Variants in PCCB observed in about 807,000 individuals in gnomAD.
PCCB encodes propionyl-CoA carboxylase beta chain, mitochondrial.
Under a neutral mutation model 60.7 loss-of-function variants are expected in PCCB, and 43 were observed. That is an observed-to-expected ratio of 0.71 (90% CI 0.55 to 0.91). PCCB has a LOEUF of 0.91. Ranked by LOEUF, PCCB falls within the 40% of genes least tolerant of loss-of-function variation. The pLI, the probability that PCCB is intolerant of heterozygous loss-of-function variation, is 0.00. For synonymous variants in PCCB, 276 were observed against 255.9 expected (o/e 1.08, Z -0.75); for missense variants, 766 against 702.8 (o/e 1.09, Z -1.02).
In PCCB at chr3:136,256,115, G is replaced by A. The variant is rs573618683; in HGVS notation, c.303+140G>A. On this transcript the variant is annotated intron_variant, in intron 2 of 14. Transcript: ENST00000251654. ...CAGACATCAAGCCCAGATAATTTTT[G>A]TATTTTTAGTAGAGATGGGCTTTCG... 1.0e-4 allele frequency: 131 copies of A among 1,265,552 alleles called. 3 individuals are homozygous for A. In the South Asian group the frequency reaches 1.6e-3, roughly 16 times the overall value. 78.4% of individuals were successfully genotyped at this position (1,265,552 alleles called of 1,614,324 possible). A position where few individuals can be genotyped will look rare whatever the true frequency, so the allele number is the denominator to read the frequency against.
chr3:136,268,128 A>T lies in PCCB; in HGVS notation c.543+6063A>T, dbSNP rs376022732. Reference sequence around the variant, plus strand: ...TATATATATATATATATATGTATATATATATATATATATCTACATACACAA... The same window carrying T: ...TATATATATATATATATATGTATATTTATATATATATATCTACATACACAA... On this transcript the variant is annotated intron_variant, in intron 5 of 14. Coordinates refer to ENST00000251654, the MANE Select transcript of PCCB (RefSeq NM_000532.5). Among the ~76,000 whole-genome samples, 7 of 133,672 alleles carry T rather than the reference A, an allele frequency of 5.2e-5. No homozygotes were observed. In the Middle Eastern group the frequency reaches 0.019, roughly 362 times the overall value. 87.7% of individuals were successfully genotyped at this position (133,672 alleles called of 152,430 possible). A position where few individuals can be genotyped will look rare whatever the true frequency, so the allele number is the denominator to read the frequency against.
chr3:136,289,314 T>C, intron 6 of PCCB, among the ~76,000 whole-genome samples: 1 of 152,236 alleles, frequency 6.6e-6, no homozygotes. Flanking sequence ...ATTTTGATGC[T>C]CTGTTGTTAG....
intron 7 of PCCB, among the ~76,000 whole-genome samples, chr3:136,297,724 T>C (rs565353954): frequency 1.3e-5 from 2 of 152,260 alleles, no homozygotes; most frequent in Admixed American, 1.3e-4. Context: ...GTGTGACCCC[T>C]GTAGAGGTGT....
intron 7 of PCCB, among the ~76,000 whole-genome samples, chr3:136,297,040 CAG>C (rs1474614779): frequency 6.6e-6 from 1 of 152,132 alleles, no homozygotes; most frequent in Non-Finnish European, 1.5e-5. Flanking sequence ...AAAAGTATAA[CAG>C]GGTAAAGGGG....
chr3:136,277,309 G>A (rs953182067), intron 5 of PCCB, among the ~76,000 whole-genome samples: 1 of 152,188 alleles, frequency 6.6e-6, no homozygotes, highest in Admixed American at 6.5e-5. Flanking sequence ...TGTTCACAGT[G>A]TTATTCTACC....
chr3:136,288,472 T>C (rs1292910714), intron 6 of PCCB, among the ~76,000 whole-genome samples: 1 of 150,826 alleles, frequency 6.6e-6, no homozygotes, highest in African/African-American at 2.4e-5. Context: ...CAGCCTCCTG[T>C]GTAGCTGGGA....
chr3:136,265,824 T>G (rs1056390540), intron 5 of PCCB, among the ~76,000 whole-genome samples: 3 of 149,676 alleles, frequency 2.0e-5, no homozygotes, highest in African/African-American at 7.4e-5. Context: ...TTGTCAGTCT[T>G]TTTTTGTTTT....
chr3:136,268,092 A>ATATATATATATATG (rs1942069941), intron 5 of PCCB, among the ~76,000 whole-genome samples: 4 of 54,450 alleles, frequency 7.3e-5, no homozygotes, highest in Non-Finnish European at 1.1e-4. Context: ...GTGTAGATAT[A>ATATATATATATATG]TATATATATA....
intron 9 of PCCB, among the ~76,000 whole-genome samples, chr3:136,308,369 T>G (rs1171954004): frequency 6.6e-6 from 1 of 151,674 alleles, no homozygotes; most frequent in African/African-American, 2.4e-5. Context: ...AGGAAGGACA[T>G]TTTCAACTGC....
chr3:136,299,301 T>C (rs1260352517), intron 8 of PCCB, among the ~76,000 whole-genome samples: 1 of 152,028 alleles, frequency 6.6e-6, no homozygotes, highest in Non-Finnish European at 1.5e-5. Context: ...TATATGCATA[T>C]ATATGTATAC....
At chr3:136,317,323 G>T (rs1934943389) in intron 10 of PCCB, among the ~76,000 whole-genome samples, 1 of 141,048 alleles carries the variant, frequency 7.1e-6, no homozygotes, top group African/African-American at 2.6e-5. Flanking sequence ...CCAGGGTCAA[G>T]CAGTCCTTCC....
intron 10 of PCCB, among the ~76,000 whole-genome samples, chr3:136,325,595 T>G (rs1335949177): frequency 6.6e-6 from 1 of 151,868 alleles, no homozygotes; most frequent in African/African-American, 2.4e-5. Context: ...TGACCTCAAG[T>G]GGTCTGCCTG....
At chr3:136,287,677 C>A (rs1933481073) in intron 6 of PCCB, among the ~76,000 whole-genome samples, 2 of 152,220 alleles carry the variant, frequency 1.3e-5, no homozygotes, top group African/African-American at 4.8e-5. Context: ...CTCAAGTAAT[C>A]TGCCGGCCTC....
At chr3:136,329,543 A>G (rs1001404776) in intron 14 of PCCB, among the ~76,000 whole-genome samples, 4 of 152,326 alleles carry the variant, frequency 2.6e-5, no homozygotes, top group South Asian at 4.1e-4. Context: ...GTAAAGTCAC[A>G]TTGCAGGACT....
intron 5 of PCCB, among the ~76,000 whole-genome samples, chr3:136,271,625 A>T (rs1942204715): frequency 6.6e-6 from 1 of 152,128 alleles, no homozygotes; most frequent in Admixed American, 6.6e-5. Flanking sequence ...CAGCTGTTGT[A>T]AAAGGAATTG....
intron 5 of PCCB, among the ~76,000 whole-genome samples, chr3:136,269,898 A>T (rs1258144402): frequency 6.6e-6 from 1 of 150,724 alleles, no homozygotes; most frequent in Admixed American, 6.6e-5. Flanking sequence ...AAAAAAAAAA[A>T]AAAAAAAAAT....
At chr3:136,268,123 T>G (rs1177963269) in intron 5 of PCCB, among the ~76,000 whole-genome samples, 2 of 129,422 alleles carry the variant, frequency 1.5e-5, no homozygotes, top group African/African-American at 6.4e-5. Context: ...TATATATATG[T>G]ATATATATAT....
At chr3:136,291,910 C>T (rs1329012747) in intron 6 of PCCB, among the ~76,000 whole-genome samples, 1 of 152,170 alleles carries the variant, frequency 6.6e-6, no homozygotes, top group Non-Finnish European at 1.5e-5. Flanking sequence ...GATTGGCCGG[C>T]CCTGGAGTCT....
chr3:136,286,510 G>A (rs1933417564), intron 6 of PCCB, among the ~76,000 whole-genome samples: 1 of 152,178 alleles, frequency 6.6e-6, no homozygotes, highest in Non-Finnish European at 1.5e-5. Context: ...TAAATGGCAG[G>A]TCTAGTCTTC....
Sources: allele counts gnomAD v4.1 joint callset (sites outside exome capture counted in the v4.1 genomes callset), GRCh38; gene constraint gnomAD v4.1.1; transcripts MANE v1.5; gene names NCBI Gene and HGNC (gene_info 2026-07-23, HGNC 2026-07-21).